Variants in RFX3 observed in about 807,000 individuals in gnomAD.
RFX3 encodes the protein transcription factor RFX3.
Under a neutral mutation model 98.6 loss-of-function variants are expected in RFX3, and 14 were observed. That is an observed-to-expected ratio of 0.14 (90% CI 0.09 to 0.22). The LOEUF (loss-of-function observed/expected upper bound fraction) is 0.22, where lower values mean the gene tolerates loss of function less well. RFX3 is among the 10% of genes least tolerant of loss of function. The pLI, the probability that RFX3 is intolerant of heterozygous loss-of-function variation, is 1.00. For missense variants in RFX3, 639 were observed against 926.9 expected (o/e 0.69, Z 4.03); for synonymous variants, 383 against 328.4 (o/e 1.17, Z -1.80).
intron 6 of RFX3, 94 bp from the exon 7 acceptor site, chr9:3,288,344 T>A (rs1826911250): frequency 8.5e-7 from 1 of 1,179,224 alleles, no homozygotes; most frequent in African/African-American, 1.5e-5. Flanking sequence ...TTGGAAAAAT[T>A]TGGTAAAAAC....
intron 4 of RFX3, among the ~76,000 whole-genome samples, chr9:3,310,534 T>A (rs1469124035): frequency 6.6e-6 from 1 of 152,204 alleles, no homozygotes; most frequent in African/African-American, 2.4e-5. Context: ...AAACTTTCTT[T>A]TCTAGAACTG....
intron 15 of RFX3, among the ~76,000 whole-genome samples, chr9:3,239,291 T>C (rs1314013975): frequency 6.6e-6 from 1 of 152,240 alleles, no homozygotes; most frequent in Non-Finnish European, 1.5e-5. Context: ...AACCTTGTGT[T>C]CCTTGGTTAC....
chr9:3,418,657 G>C (rs1204005139), intron 1 of RFX3, among the ~76,000 whole-genome samples: 1 of 152,160 alleles, frequency 6.6e-6, no homozygotes, highest in Non-Finnish European at 1.5e-5. Flanking sequence ...TGGGATTACA[G>C]GTGTGAGCCT....
chr9:3,520,693 T>C (rs1346350699), intron 1 of RFX3, among the ~76,000 whole-genome samples: 1 of 152,196 alleles, frequency 6.6e-6, no homozygotes, highest in African/African-American at 2.4e-5. Context: ...TTTGGTGTTT[T>C]GAGACAGGGT....
intron 9 of RFX3, among the ~76,000 whole-genome samples, chr9:3,271,545 TTCTCTCTTTC>T (rs1192931215): frequency 1.8e-5 from 1 of 55,524 alleles, no homozygotes; most frequent in African/African-American, 4.7e-5. Context: ...CTCTTTCTCT[TTCTCTCTTTC>T]TCTCTCTCTT....
intron 7 of RFX3, among the ~76,000 whole-genome samples, chr9:3,279,332 C>A (rs117671738): frequency 1.6e-3 from 240 of 151,808 alleles, no homozygotes; most frequent in Admixed American, 3.7e-3. Flanking sequence ...AATTGTTTAA[C>A]CATGTTTCTT....
At chr9:3,455,930 G>T (rs1587729943) in intron 1 of RFX3, among the ~76,000 whole-genome samples, 1 of 152,196 alleles carries the variant, frequency 6.6e-6, no homozygotes, top group Admixed American at 6.5e-5. Context: ...CAATACTTGA[G>T]ACTGGGTAAT....
At chr9:3,391,320 T>C (rs1303411103) in intron 2 of RFX3, among the ~76,000 whole-genome samples, 1 of 151,940 alleles carries the variant, frequency 6.6e-6, no homozygotes, top group Non-Finnish European at 1.5e-5. Context: ...GACACTATTC[T>C]ACTTAAGAAA....
At chr9:3,489,853 T>C (rs533190518) in intron 1 of RFX3, among the ~76,000 whole-genome samples, 1 of 152,282 alleles carries the variant, frequency 6.6e-6, no homozygotes, top group Admixed American at 6.5e-5. Flanking sequence ...GTGCTCTTTC[T>C]TTATTGTTCC....
chr9:3,314,800 G>A (rs112377116), intron 4 of RFX3, among the ~76,000 whole-genome samples: 1 of 152,016 alleles, frequency 6.6e-6, no homozygotes, highest in Non-Finnish European at 1.5e-5. Flanking sequence ...ATGGTAAAGA[G>A]ATCAATTCAA....
chr9:3,336,229 T>C (rs948739150), intron 3 of RFX3, among the ~76,000 whole-genome samples: 1 of 152,190 alleles, frequency 6.6e-6, no homozygotes, highest in Admixed American at 6.5e-5. Context: ...TTTAGGCTAC[T>C]CTGCATACAT....
intron 2 of RFX3, among the ~76,000 whole-genome samples, chr9:3,366,264 G>T (rs1373090845): frequency 1.3e-5 from 2 of 152,112 alleles, no homozygotes; most frequent in Admixed American, 6.5e-5. Flanking sequence ...TTATAGGAGA[G>T]TACATATAGT....
chr9:3,305,165 G>T (rs1207784944), intron 4 of RFX3, among the ~76,000 whole-genome samples: 2 of 151,952 alleles, frequency 1.3e-5, no homozygotes, highest in Non-Finnish European at 2.9e-5. Flanking sequence ...TTTGGGAAAT[G>T]GCAAGAAACC....
intron 1 of RFX3, among the ~76,000 whole-genome samples, chr9:3,441,369 C>A (rs1845595335): frequency 6.6e-6 from 1 of 151,984 alleles, no homozygotes. Flanking sequence ...TTTCCTGGTT[C>A]TGTCTGCCAA....
chr9:3,503,855 G>A (rs1391781470), intron 1 of RFX3, among the ~76,000 whole-genome samples: 1 of 151,848 alleles, frequency 6.6e-6, no homozygotes, highest in African/African-American at 2.4e-5. Context: ...CAAAGATTCT[G>A]TCAAATTTAA....
chr9:3,326,656 G>A (rs1338680814), intron 4 of RFX3, among the ~76,000 whole-genome samples: 1 of 152,108 alleles, frequency 6.6e-6, no homozygotes, highest in African/African-American at 2.4e-5. Context: ...TCCTGCAAAG[G>A]ACATGATCTC....
intron 1 of RFX3, among the ~76,000 whole-genome samples, chr9:3,474,657 C>G (rs1564149202): frequency 6.6e-6 from 1 of 152,224 alleles, no homozygotes; most frequent in South Asian, 2.1e-4. Flanking sequence ...AGCCAAGACT[C>G]TGAATACAGA....
At chr9:3,249,025 G>C (rs1821037404) in intron 14 of RFX3, among the ~76,000 whole-genome samples, 1 of 151,992 alleles carries the variant, frequency 6.6e-6, no homozygotes, top group African/African-American at 2.4e-5. Context: ...TAGAATCAGA[G>C]TGATGTGTGT....
chr9:3,476,363 C>T (rs1849255279), intron 1 of RFX3, among the ~76,000 whole-genome samples: 2 of 151,902 alleles, frequency 1.3e-5, no homozygotes, highest in African/African-American at 2.4e-5. Flanking sequence ...ATAAGCTGAA[C>T]TTATTAAGTG....
Sources: gnomAD v4.1 joint callset for allele counts (sites outside exome capture counted in the v4.1 genomes callset) on GRCh38, gnomAD v4.1.1 for gene constraint, MANE v1.5 for transcripts, NCBI Gene and HGNC (gene_info 2026-07-23, HGNC 2026-07-21) for gene names.